Variants in AS3MT observed in about 807,000 individuals in gnomAD.
AS3MT encodes the protein arsenite methyltransferase.
A neutral mutation model predicts 45.3 loss-of-function variants in AS3MT; 47 were observed. The observed-to-expected ratio is 1.04, with a 90% CI of 0.82 to 1.32. The LOEUF (loss-of-function observed/expected upper bound fraction) is 1.32. AS3MT is among the 40% of genes most tolerant of loss of function. The pLI, the probability that AS3MT is intolerant of heterozygous loss-of-function variation, is 0.00. For synonymous variants in AS3MT, 141 were observed against 152.8 expected, an observed-to-expected ratio of 0.92 and a Z score of 0.57; for missense variants, 396 against 451.1, an observed-to-expected ratio of 0.88 and a Z score of 1.11.
intron 7 of AS3MT, 44 bp from the exon 8 acceptor site, chr10:102,878,335 A>C (rs1287735248): frequency 6.2e-7 from 1 of 1,604,982 alleles, no homozygotes; most frequent in South Asian, 1.1e-5. Flanking sequence ...TACTGTATTA[A>C]GTGTTGGCTG....
rs1032519928 is a variant in AS3MT at position 102,881,076 on chromosome 10, A to G, written c.885+2085A>G. 5.9e-5 allele frequency among the ~76,000 whole-genome samples: 9 copies of G among 152,182 alleles called. No individual in the cohort carries two copies. The highest frequency in any genetic ancestry group is 2.2e-4 in the African/African-American group (9 of 41,452). On this transcript the variant is annotated intron_variant, in intron 9 of 10. Coordinates refer to ENST00000369880, the MANE Select transcript of AS3MT (RefSeq NM_020682.4). This position sits in a 1 kb window ranked among gnomAD's most constrained non-coding sequence, Gnocchi z 4.2. ...CTTATTTATTCATGTATTCTGCTTT[A>G]TGATGTTTATCTGAATAATCTGGAC...
intron 9 of AS3MT, among the ~76,000 whole-genome samples, chr10:102,882,411 T>C (rs1048724647): frequency 6.6e-6 from 1 of 151,702 alleles, no homozygotes. Context: ...AAAAAATGTA[T>C]TTATTTCTTT....
intron 8 of AS3MT, 149 bp downstream of exon 8, chr10:102,878,659 C>A: frequency 1.5e-6 from 2 of 1,335,242 alleles, no homozygotes. Context: ...CAATGGTAAC[C>A]CCCCAAAAAT....
intron 9 of AS3MT, among the ~76,000 whole-genome samples, chr10:102,883,175 A>G (rs985089327): frequency 2.7e-5 from 4 of 149,572 alleles, no homozygotes; most frequent in Non-Finnish European, 5.9e-5. Flanking sequence ...ATCTCGGCTC[A>G]CTGCAACCTC....
intron 9 of AS3MT, among the ~76,000 whole-genome samples, chr10:102,883,769 C>G (rs1844903917): frequency 6.6e-6 from 1 of 151,508 alleles, no homozygotes; most frequent in African/African-American, 2.4e-5. Flanking sequence ...AATTTTCCCC[C>G]CATTATTTAT....
In AS3MT at chr10:102,901,431, G is replaced by A. The variant is rs1247118457; in HGVS notation, c.*731G>A. The A allele has an allele frequency of 6.6e-6, 1 of 152,018 alleles. No individual in the cohort carries two copies. The highest frequency in any genetic ancestry group is 1.5e-5 in the Non-Finnish European group (1 of 68,022). 9.4% of individuals were successfully genotyped at this position (152,018 alleles called of 1,614,324 possible). ...GATGGTCTTGATCTCCTGACCTCGT[G>A]ATCCGCCCGCCTCGGCCTCCCAAAG... On this transcript the variant is annotated 3_prime_UTR_variant, in exon 11 of 11. Coordinates refer to ENST00000369880, the MANE Select transcript of AS3MT (RefSeq NM_020682.4).
chr10:102,876,963 G>T lies in AS3MT; in HGVS notation c.538G>T (p.Glu180Ter). 3.7e-6 allele frequency: 6 copies of T among 1,614,124 alleles called. No homozygotes were observed. The highest frequency in any genetic ancestry group is 5.1e-6 in the Non-Finnish European group (6 of 1,179,988). ...EAYRVLKHGG[E>*]LYFSDVYTSL... Reference sequence around the variant, plus strand: ...TATGCCTCTGTTTCAGCATGGTGGGGAGTTATATTTCAGTGACGTCTATAC... The same window carrying T: ...TATGCCTCTGTTTCAGCATGGTGGGTAGTTATATTTCAGTGACGTCTATAC... The change falls in exon 7 of 11, where the codon GAG becomes TAG. Residue 180 changes from glutamate (E) to a stop codon, truncating the protein, a stop_gained. Transcript: ENST00000369880. LOFTEE classifies it high-confidence loss of function.
intron 9 of AS3MT, among the ~76,000 whole-genome samples, chr10:102,886,538 G>C (rs1287021547): frequency 2.6e-5 from 4 of 151,840 alleles, no homozygotes; most frequent in African/African-American, 9.7e-5. Flanking sequence ...TATTGGCCAG[G>C]CTGGTCTTGA....
intron 10 of AS3MT, among the ~76,000 whole-genome samples, chr10:102,891,793 CA>C (rs1845074352): frequency 6.6e-6 from 1 of 151,228 alleles, no homozygotes; most frequent in African/African-American, 2.4e-5. Flanking sequence ...ACCAAAAATA[CA>C]AAAAAATTAT....
chr10:102,891,813 G>A (rs1845074599), intron 10 of AS3MT, among the ~76,000 whole-genome samples: 1 of 151,916 alleles, frequency 6.6e-6, no homozygotes, highest in Non-Finnish European at 1.5e-5. Flanking sequence ...ATCTGGGTAT[G>A]GTGGTGCATG....
intron 9 of AS3MT, among the ~76,000 whole-genome samples, chr10:102,883,353 G>A (rs1418712531): frequency 1.3e-5 from 2 of 151,330 alleles, no homozygotes; most frequent in Non-Finnish European, 2.9e-5. Context: ...TGCCCACCTC[G>A]GCCTCCCAAA....
intron 10 of AS3MT, among the ~76,000 whole-genome samples, chr10:102,893,074 A>G (rs1216413514): frequency 6.6e-6 from 1 of 150,384 alleles, no homozygotes; most frequent in Non-Finnish European, 1.5e-5. Flanking sequence ...AAAAAACTGT[A>G]GCACAACGGA....
At position 102,890,604 on chromosome 10, in the gene AS3MT, G is replaced by A; in HGVS notation, c.946G>A (p.Ala316Thr). 1 of 1,612,444 alleles carries A rather than the reference G, an allele frequency of 6.2e-7. No homozygotes were observed. Among genetic ancestry groups the A allele is most frequent in the Non-Finnish European group, 8.5e-7 (1 of 1,179,308 alleles). ...TAAILKNSRF[A>T]QDFLIRPIGE... ...AGCTATCTTGAAGAATTCAAGATTT[G>A]CTCAAGATTTTCTGATCAGACCAAT... is the stretch of plus-strand genomic sequence containing the variant. The change falls in exon 10 of 11, where the codon GCT becomes ACT. Residue 316 changes from alanine (A) to threonine (T), a missense_variant. Coordinates refer to ENST00000369880, the MANE Select transcript of AS3MT (RefSeq NM_020682.4).
Position 102,869,552 on chromosome 10 carries a change from GAGA to G in AS3MT, c.-40_-38del. The G allele has an allele frequency of 1.3e-6, 2 of 1,526,354 alleles. No individual in the cohort carries two copies. The highest frequency in any genetic ancestry group is 1.8e-6 in the Non-Finnish European group (2 of 1,139,906). The allele number at this position is 1,526,354 out of a possible 1,614,324, so 94.6% of individuals were successfully genotyped here. On this transcript the variant is annotated 5_prime_UTR_variant, in exon 1 of 11. Coordinates refer to ENST00000369880, the MANE Select transcript of AS3MT (RefSeq NM_020682.4). ...TGCGCGCCCTGAGTCGCAGGCCGAG[GAGA>G]CAGTGAGTGCGCGCCCTGAGTCGCA...
In AS3MT at chr10:102,878,436, T is replaced by A; in HGVS notation, c.668T>A (p.Ile223Asn). Residue 223 changes from isoleucine (I) to asparagine (N), a missense_variant, in exon 8 of 11, where the codon ATT (isoleucine) becomes AAT (asparagine). Coordinates refer to ENST00000369880, the MANE Select transcript of AS3MT (RefSeq NM_020682.4). ...GAACTTGCTGTCCTTGCTCAAAAAA[T>A]TGGGTTCTGCCCTCCACGTTTGGTC... ...WKELAVLAQK[I>N]GFCPPRLVTA... 6.2e-7 allele frequency: 1 copy of A among 1,614,076 alleles called. No homozygotes were observed. The highest frequency in any genetic ancestry group is 8.5e-7 in the Non-Finnish European group (1 of 1,180,002).
At chr10:102,897,443 G>A (rs540457258) in intron 10 of AS3MT, among the ~76,000 whole-genome samples, 1 of 150,370 alleles carries the variant, frequency 6.7e-6, no homozygotes, top group Non-Finnish European at 1.5e-5. Context: ...GTCTTTCCTC[G>A]AGCTACAGTA....
At chr10:102,883,674 A>G (rs1171171946) in intron 9 of AS3MT, among the ~76,000 whole-genome samples, 2 of 151,842 alleles carry the variant, frequency 1.3e-5, no homozygotes, top group African/African-American at 4.8e-5. Context: ...AGATTGAGTC[A>G]CTGCACTCCA....
intron 9 of AS3MT, among the ~76,000 whole-genome samples, chr10:102,884,585 C>T (rs983853476): frequency 2.0e-5 from 3 of 152,008 alleles, no homozygotes; most frequent in African/African-American, 4.8e-5. Context: ...TCACTCTTGT[C>T]GCCCAGGCTG....
chr10:102,873,694 T>A (rs1412861628), intron 5 of AS3MT, among the ~76,000 whole-genome samples: 1 of 152,098 alleles, frequency 6.6e-6, no homozygotes, highest in African/African-American at 2.4e-5. Flanking sequence ...AGAGAGCTGG[T>A]TTGAGCTGCT....
Sources: allele counts gnomAD v4.1 joint callset (sites outside exome capture counted in the v4.1 genomes callset), GRCh38; gene constraint gnomAD v4.1.1; non-coding constraint Gnocchi (gnomAD v3.1); transcripts MANE v1.5; gene names NCBI Gene and HGNC (gene_info 2026-07-23, HGNC 2026-07-21).